The following AGAP1 variants were observed in gnomAD, a reference collection of about 807,000 sequenced individuals.
The protein encoded by AGAP1 is arf-GAP with GTPase, ANK repeat and PH domain-containing protein 1.
AGAP1 carries 29 observed loss-of-function variants against 105.3 expected under a neutral mutation model. The ratio of observed to expected loss-of-function variants is 0.28; its 90% CI spans 0.21 to 0.38. AGAP1 has a LOEUF of 0.38. Ranked by LOEUF, AGAP1 falls within the 10% of genes least tolerant of loss-of-function variation. The pLI is 1.00. For missense variants in AGAP1, 998 were observed against 1,165.1 expected, an observed-to-expected ratio of 0.86 and a Z score of 2.09; for synonymous variants, 509 against 485.9, an observed-to-expected ratio of 1.05 and a Z score of -0.63.
intron 1 of AGAP1, among the ~76,000 whole-genome samples, chr2:235,683,309 C>T (rs181971781): frequency 0.028 from 4,197 of 151,294 alleles, 194 homozygotes; most frequent in African/African-American, 0.097. Context: ...CCATCTCAAA[C>T]AACAACAAAA....
intron 1 of AGAP1, among the ~76,000 whole-genome samples, chr2:235,681,933 C>T (rs1170728811): frequency 6.8e-6 from 1 of 147,192 alleles, no homozygotes; most frequent in South Asian, 2.2e-4. Context: ...TCACTGCACC[C>T]TCTGCCTCCC....
intron 9 of AGAP1, among the ~76,000 whole-genome samples, chr2:235,846,500 G>GTTT (rs3059033): frequency 5.2e-4 from 74 of 141,196 alleles, no homozygotes; most frequent in East Asian, 1.2e-3. Flanking sequence ...CTAATTTTTG[G>GTTT]TTTTTTTTTT....
intron 9 of AGAP1, among the ~76,000 whole-genome samples, chr2:235,821,870 T>G (rs934912433): frequency 1.3e-5 from 2 of 152,238 alleles, no homozygotes; most frequent in African/African-American, 4.8e-5. Context: ...TGACACTATT[T>G]TAGGAATATT....
Position 235,535,828 on chromosome 2 carries a change from C to T in AGAP1, c.163+40979C>T, listed in dbSNP as rs1374295642. ...AGGCAGCGGCTCTGCTTTCCAGAAC[C>T]TTCTGGGAGTGGCAGACACACATTA... On this transcript the variant is annotated intron_variant, in intron 1 of 17. Transcript: ENST00000304032. The surrounding 1 kb of genome is among the most constrained non-coding windows in gnomAD (Gnocchi z 5.1). Among the ~76,000 whole-genome samples the T allele has an allele frequency of 6.6e-6, 1 of 152,086 alleles. No homozygotes were observed. Among genetic ancestry groups the T allele is most frequent in the African/African-American group, 2.4e-5 (1 of 41,416 alleles).
intron 9 of AGAP1, among the ~76,000 whole-genome samples, chr2:235,860,664 T>A (rs1246982702): frequency 6.6e-6 from 1 of 152,180 alleles, no homozygotes; most frequent in African/African-American, 2.4e-5. Flanking sequence ...GTAGTACAGA[T>A]TCTGTTTTTT....
intron 1 of AGAP1, among the ~76,000 whole-genome samples, chr2:235,585,558 G>A (rs1034647742): frequency 4.7e-4 from 71 of 152,288 alleles, no homozygotes; most frequent in African/African-American, 1.6e-3. Context: ...CAGCCTGAAT[G>A]TGTTCTGAGG....
At position 235,720,571 on chromosome 2, in the gene AGAP1, C is replaced by T. The variant is rs978569626; in HGVS notation, c.310+2927C>T. ...GCTGCCTTCTCATCAGACCTCCTTT[C>T]CTCTTACAACTGCTAGAGCGATCAA... On this transcript the variant is annotated intron_variant, in intron 3 of 17. Coordinates refer to ENST00000304032, the MANE Select transcript of AGAP1 (RefSeq NM_001037131.3). The surrounding 1 kb of genome is among the most constrained non-coding windows in gnomAD (Gnocchi z 5.0). 10 of 717,226 alleles carry T rather than the reference C, an allele frequency of 1.4e-5. No homozygotes were observed. In the East Asian group the frequency reaches 1.2e-3, roughly 86 times the overall value. 44.4% of individuals were successfully genotyped at this position (717,226 alleles called of 1,614,324 possible). A position where few individuals can be genotyped will look rare whatever the true frequency, so the allele number is the denominator to read the frequency against.
In AGAP1 at chr2:235,737,120, C is replaced by T. The variant is rs1438952493; in HGVS notation, c.311-3843C>T. On this transcript the variant is annotated intron_variant, in intron 3 of 17. Coordinates refer to ENST00000304032, the MANE Select transcript of AGAP1 (RefSeq NM_001037131.3). The surrounding 1 kb of genome is among the most constrained non-coding windows in gnomAD (Gnocchi z 4.5). The stretch of plus-strand genomic sequence containing the variant: ...ACCTGCTCCCATCAGTAGTGCCCTG[C>T]GGGACCTTTTGAAAATCTCCCCAGT... 6.6e-6 allele frequency among the ~76,000 whole-genome samples: 1 copy of T among 152,166 alleles called. No homozygotes were observed. Among genetic ancestry groups the T allele is most frequent in the Non-Finnish European group, 1.5e-5 (1 of 68,022 alleles).
chr2:235,948,895 C>G (rs966668118), intron 12 of AGAP1, among the ~76,000 whole-genome samples: 1 of 152,222 alleles, frequency 6.6e-6, no homozygotes, highest in African/African-American at 2.4e-5. Context: ...TCTGCAGAGC[C>G]TATCCCGTGT....
At position 235,639,877 on chromosome 2, in the gene AGAP1, G is replaced by A. The variant is rs888155153; in HGVS notation, c.164-69302G>A. On this transcript the variant is annotated intron_variant, in intron 1 of 17. Transcript: ENST00000304032. This position sits in a 1 kb window ranked among gnomAD's most constrained non-coding sequence, Gnocchi z 5.3. ...CTTGAGGGGTCCACGGATTGATAGAGTCAGCAGGGATGGACAGTTTCCCCT... is the reference window on the plus strand; with the variant it reads ...CTTGAGGGGTCCACGGATTGATAGAATCAGCAGGGATGGACAGTTTCCCCT... Among the ~76,000 whole-genome samples, 2 of 152,174 alleles carry A rather than the reference G, an allele frequency of 1.3e-5. No homozygotes were observed. The highest frequency in any genetic ancestry group is 2.9e-5 in the Non-Finnish European group (2 of 68,044).
rs750568829 is a variant in AGAP1 at position 235,494,731 on chromosome 2, C to G, written c.45C>G (p.Ala15=). ...TGGCCAACTCGGCTGCCATCCGGGC[C>G]GAGATCCAGCGCTTCGAGTCGGTCC... ...QQLANSAAIR[A]EIQRFESVHP... Residue 15 remains alanine, a synonymous_variant, in exon 1 of 18, where the codon GCC becomes GCG. Transcript: ENST00000304032. The G allele has an allele frequency of 2.4e-5, 37 of 1,566,294 alleles. No individual in the cohort carries two copies. The highest frequency in any genetic ancestry group is 3.0e-5 in the Non-Finnish European group (35 of 1,156,450).
At chr2:235,778,973 A>T (rs755141878) in intron 6 of AGAP1, among the ~76,000 whole-genome samples, 19 of 152,156 alleles carry the variant, frequency 1.2e-4, no homozygotes, top group Non-Finnish European at 2.8e-4. Flanking sequence ...CAACCCCAAG[A>T]AGCATATCCT....
intron 12 of AGAP1, among the ~76,000 whole-genome samples, chr2:235,933,536 A>ATTTTTTTTTTTTTTTTTTTTTTTTT (rs71036300): frequency 7.0e-6 from 1 of 141,986 alleles, no homozygotes. Flanking sequence ...TTTTCTAAGG[A>ATTTTTTTTTTTTTTTTTTTTTTTTT]TTTTTTTTTT....
In AGAP1 at chr2:235,927,317, ACTCT is replaced by A. The variant is rs1204849892; in HGVS notation, c.1325-3444_1325-3441del. On this transcript the variant is annotated intron_variant, in intron 11 of 17. Transcript: ENST00000304032. The surrounding 1 kb of genome is among the most constrained non-coding windows in gnomAD (Gnocchi z 4.4). ...GAGGTTCCAGGTTGGTTCCTTGGGG[ACTCT>A]CTCAGGAGGCAGAAGGTGGGCTCTG... Among the ~76,000 whole-genome samples, 1 of 151,806 alleles carries A rather than the reference ACTCT, an allele frequency of 6.6e-6. No homozygotes were observed. The highest frequency in any genetic ancestry group is 1.5e-5 in the Non-Finnish European group (1 of 67,956).
chr2:236,091,423 C>T (rs866439962), intron 16 of AGAP1, among the ~76,000 whole-genome samples: 5 of 152,170 alleles, frequency 3.3e-5, no homozygotes, highest in South Asian at 2.1e-4. Flanking sequence ...TAAAACTAAA[C>T]GTGCACCTTC....
rs1419220335 is a variant in AGAP1 at position 235,737,241 on chromosome 2, G to C, written c.311-3722G>C. Among the ~76,000 whole-genome samples the C allele has an allele frequency of 6.6e-6, 1 of 152,132 alleles. No individual in the cohort carries two copies. Among genetic ancestry groups the C allele is most frequent in the Non-Finnish European group, 1.5e-5 (1 of 68,026 alleles). The stretch of plus-strand genomic sequence containing the variant: ...TTGAGTTCGTGGCAAATACTTAGCA[G>C]TATTTAATTTTTGCTTTCTGATTTA... On this transcript the variant is annotated intron_variant, in intron 3 of 17. Coordinates refer to ENST00000304032, the MANE Select transcript of AGAP1 (RefSeq NM_001037131.3). This position sits in a 1 kb window ranked among gnomAD's most constrained non-coding sequence, Gnocchi z 4.5.
rs1204485480 is a variant in AGAP1 at position 236,014,157 on chromosome 2, C to G, written c.1646-22404C>G. ...CTGAGAACCTGAGGTGGCATTTGCTCTTCTGGTTCCTAGGAGCTCCATTTA... is the reference window on the plus strand; with the variant it reads ...CTGAGAACCTGAGGTGGCATTTGCTGTTCTGGTTCCTAGGAGCTCCATTTA... On this transcript the variant is annotated intron_variant, in intron 13 of 17. Coordinates refer to ENST00000304032, the MANE Select transcript of AGAP1 (RefSeq NM_001037131.3). This position sits in a 1 kb window ranked among gnomAD's most constrained non-coding sequence, Gnocchi z 6.3. 6.6e-6 allele frequency among the ~76,000 whole-genome samples: 1 copy of G among 152,100 alleles called. No homozygotes were observed. Among genetic ancestry groups the G allele is most frequent in the African/African-American group, 2.4e-5 (1 of 41,408 alleles).
rs10191456 is a variant in AGAP1, at chr2:235,961,232, G to C, written c.1484-7230G>C. ...CAGGGGGCCGGGAGGGGCTGGATGC[G>C]CCAGTGGCCAGCTTGGGGAAGGCCT... is the stretch of plus-strand genomic sequence containing the variant. On this transcript the variant is annotated intron_variant, in intron 12 of 17. Transcript: ENST00000304032. The surrounding 1 kb of genome is among the most constrained non-coding windows in gnomAD (Gnocchi z 5.9). Among the ~76,000 whole-genome samples the C allele has an allele frequency of 6.6e-6, 1 of 152,176 alleles. No homozygotes were observed. The highest frequency in any genetic ancestry group is 2.1e-4 in the South Asian group (1 of 4,832).
At position 235,614,025 on chromosome 2, in the gene AGAP1, C is replaced by T. The variant is rs1367911842; in HGVS notation, c.164-95154C>T. On this transcript the variant is annotated intron_variant, in intron 1 of 17. Coordinates refer to ENST00000304032, the MANE Select transcript of AGAP1 (RefSeq NM_001037131.3). The surrounding 1 kb of genome is among the most constrained non-coding windows in gnomAD (Gnocchi z 4.7). ...TTGGTATGGTTTTTTTTTTTTCCCC[C>T]TTTTGTGTGTTTTGGCCAAATACTC... Among the ~76,000 whole-genome samples, 1 of 151,182 alleles carries T rather than the reference C, an allele frequency of 6.6e-6. No homozygotes were observed. The highest frequency in any genetic ancestry group is 1.5e-5 in the Non-Finnish European group (1 of 67,846).
Sources: allele counts gnomAD v4.1 joint callset (sites outside exome capture counted in the v4.1 genomes callset), GRCh38; gene constraint gnomAD v4.1.1; non-coding constraint Gnocchi (gnomAD v3.1); transcripts MANE v1.5; gene names NCBI Gene and HGNC (gene_info 2026-07-23, HGNC 2026-07-21).